Variants in NUFIP2 observed in about 807,000 individuals in gnomAD.
NUFIP2 encodes FMR1-interacting protein NUFIP2.
NUFIP2 carries 6 observed loss-of-function variants against 56.9 expected under a neutral mutation model. The ratio of observed to expected loss-of-function variants is 0.11; its 90% CI spans 0.06 to 0.21. The LOEUF is 0.21. NUFIP2 is among the 10% of genes least tolerant of loss of function. NUFIP2 has a pLI of 1.00. For synonymous variants in NUFIP2, 321 were observed against 298.2 expected (o/e 1.08, Z -0.79); for missense variants, 828 against 826.8 (o/e 1.00, Z -0.02).
chr17:29,265,992 C>T (rs557889492), intron 3 of NUFIP2, among the ~76,000 whole-genome samples: 7 of 152,062 alleles, frequency 4.6e-5, no homozygotes, highest in Non-Finnish European at 8.8e-5. Context: ...TTTTTTCAGA[C>T]GAAGTTTCGT....
rs2069018055 is a variant in NUFIP2, at chr17:29,263,851, T to C, written c.*688A>G. ...ACTAACTATTCCAGAATTGTAGAACTTCAATGCCCTCCCCTATCCCCGCCC... is the reference window on the plus strand; with the variant it reads ...ACTAACTATTCCAGAATTGTAGAACCTCAATGCCCTCCCCTATCCCCGCCC... On this transcript the variant is annotated 3_prime_UTR_variant, in exon 4 of 4. Transcript: ENST00000225388. 1 of 152,584 alleles carries C rather than the reference T, an allele frequency of 6.6e-6. No homozygotes were observed. Among genetic ancestry groups the C allele is most frequent in the South Asian group, 2.1e-4 (1 of 4,826 alleles). The allele number at this position is 152,584 out of a possible 1,614,324, so 9.5% of individuals were successfully genotyped here. A position where few individuals can be genotyped will look rare whatever the true frequency, so the allele number is the denominator to read the frequency against.
chr17:29,270,304 T>C (rs1466622519), intron 2 of NUFIP2, among the ~76,000 whole-genome samples: 2 of 122,700 alleles, frequency 1.6e-5, no homozygotes, highest in Non-Finnish European at 3.3e-5. Flanking sequence ...AGGGGAGAAC[T>C]ATAATCAATC....
At chr17:29,282,198 A>G (rs1338139539) in intron 2 of NUFIP2, among the ~76,000 whole-genome samples, 1 of 152,164 alleles carries the variant, frequency 6.6e-6, no homozygotes, top group Non-Finnish European at 1.5e-5. Flanking sequence ...TATTAAAAAA[A>G]GCCCTTGCCA....
rs991852984 is a variant in NUFIP2, at chr17:29,284,721, A to AG, written c.2002+1270_2002+1271insC. 7.3e-5 allele frequency among the ~76,000 whole-genome samples: 11 copies of AG among 150,766 alleles called. 1 individual carries two copies. The highest frequency in any genetic ancestry group is 4.2e-4 in the South Asian group (2 of 4,790). ...GACTCCATCTCAAAAAAAAAAAAAA[A>AG]AAAAAAGAAAAAAAAGAAAAGAAAG... On this transcript the variant is annotated intron_variant, in intron 2 of 3. Transcript: ENST00000225388.
Position 29,293,866 on chromosome 17 carries a change from C to A in NUFIP2, c.194G>T (p.Ser65Ile). The A allele has an allele frequency of 6.2e-7, 1 of 1,613,264 alleles. No individual in the cohort carries two copies. The highest frequency in any genetic ancestry group is 1.1e-5 in the South Asian group (1 of 91,036). The stretch of plus-strand genomic sequence containing the variant: ...CAGCGGCTTTGGCTGGGCCTTGGGG[C>A]TGCCCTCGGCTCCATGCTGCAGGTA... ...HQYLQHGAEGSPKAQPKPLKH... is the reference protein window; with the variant it reads ...HQYLQHGAEGIPKAQPKPLKH... The change falls in exon 1 of 4, where the codon AGC becomes ATC. Residue 65 changes from serine (S) to isoleucine (I), a missense_variant. By Grantham distance (142) the Ser-to-Ile change is moderately radical. This residue lies in a region of NUFIP2 where 415 missense variants were observed against 408.7 expected (regional missense o/e 1.02). Transcript: ENST00000225388.
chr17:29,272,250 T>TC (rs1417643169), intron 2 of NUFIP2, among the ~76,000 whole-genome samples: 3 of 150,154 alleles, frequency 2.0e-5, no homozygotes, highest in African/African-American at 7.3e-5. Context: ...CTTTTTTTTT[T>TC]TTTTTTTGAG....
At chr17:29,272,310 G>A (rs1386122137) in intron 2 of NUFIP2, among the ~76,000 whole-genome samples, 19 of 147,434 alleles carry the variant, frequency 1.3e-4, no homozygotes, top group Non-Finnish European at 2.2e-4. Context: ...GCGCTATCTC[G>A]GCTCACTGCA....
rs2069006053 is a variant in NUFIP2 at position 29,261,974 on chromosome 17, A to G, written c.*2565T>C. The G allele has an allele frequency of 6.6e-6, 1 of 152,552 alleles. No individual in the cohort carries two copies. Among genetic ancestry groups the G allele is most frequent in the Non-Finnish European group, 1.5e-5 (1 of 68,022 alleles). The allele number at this position is 152,552 out of a possible 1,614,324, so 9.4% of individuals were successfully genotyped here. On this transcript the variant is annotated 3_prime_UTR_variant, in exon 4 of 4. Transcript: ENST00000225388. ...ACCTTTGGACAGACAGAGAAGTGAT[A>G]CATTCTTTTTGGCTTCTCTGAACAC...
Position 29,260,837 on chromosome 17 carries a change from CA to C in NUFIP2, c.*3701del, listed in dbSNP as rs1442229203. ...GTAAGCAGATGATTAAGGAGGACAA[CA>C]AAATTCTAAAATGGAGAAACTCTGG... is the stretch of plus-strand genomic sequence containing the variant. On this transcript the variant is annotated 3_prime_UTR_variant, in exon 4 of 4. Coordinates refer to ENST00000225388, the MANE Select transcript of NUFIP2 (RefSeq NM_020772.3). 5 of 151,708 alleles carry C rather than the reference CA, an allele frequency of 3.3e-5. No individual in the cohort carries two copies. Among genetic ancestry groups the C allele is most frequent in the Non-Finnish European group, 7.4e-5 (5 of 67,926 alleles). 9.4% of individuals were successfully genotyped at this position (151,708 alleles called of 1,614,324 possible).
intron 2 of NUFIP2, among the ~76,000 whole-genome samples, chr17:29,284,484 T>C (rs746551519): frequency 2.6e-5 from 4 of 151,858 alleles, no homozygotes; most frequent in African/African-American, 4.8e-5. Flanking sequence ...GGTGGGTGGA[T>C]CACCTGAGGT....
At chr17:29,293,670 GAC>G (rs145321139) in intron 1 of NUFIP2, 111 bp downstream of exon 1, 28,431 of 996,472 alleles carry the variant, frequency 0.029, 81 homozygotes, top group African/African-American at 0.061. Context: ...AGCCGGAGGG[GAC>G]ACACACACAC....
At position 29,286,839 on chromosome 17, in the gene NUFIP2, T is replaced by C. The variant is rs1462989833; in HGVS notation, c.1155A>G (p.Ser385=). ...VSPTSSSSSS[S]STGETQTQSS... is the part of the protein sequence containing the mutation. ...ATTGGGTCTGAGTTTCCCCGGTAGA[T>C]GATGAAGATGATGAAGATGAAGTTG... Residue 385 remains serine, a synonymous_variant, in exon 2 of 4, where the codon TCA becomes TCG. Transcript: ENST00000225388. The C allele has an allele frequency of 2.8e-5, 45 of 1,613,906 alleles. No homozygotes were observed. The highest frequency in any genetic ancestry group is 3.6e-5 in the Non-Finnish European group (43 of 1,179,890).
chr17:29,272,462 G>A lies in NUFIP2; in HGVS notation c.2003-4932C>T, dbSNP rs549764469. ...TCACCGTGTTAGCCAGGATGGTCTCGATCTCCTGACCTTGTGATCTGCCCG... is the reference window on the plus strand; with the variant it reads ...TCACCGTGTTAGCCAGGATGGTCTCAATCTCCTGACCTTGTGATCTGCCCG... On this transcript the variant is annotated intron_variant, in intron 2 of 3. Coordinates refer to ENST00000225388, the MANE Select transcript of NUFIP2 (RefSeq NM_020772.3). Among the ~76,000 whole-genome samples, 6 of 152,030 alleles carry A rather than the reference G, an allele frequency of 3.9e-5. No homozygotes were observed. In the South Asian group the frequency reaches 1.2e-3, roughly 31 times the overall value.
At position 29,287,381 on chromosome 17, in the gene NUFIP2, T is replaced by C. The variant is rs756766045; in HGVS notation, c.613A>G (p.Lys205Glu). The C allele has an allele frequency of 1.2e-6, 2 of 1,614,142 alleles. No individual in the cohort carries two copies. Among genetic ancestry groups the C allele is most frequent in the Non-Finnish European group, 1.7e-6 (2 of 1,179,992 alleles). ...SGYITNGYMG[K>E]GADNDGSGSE... ...CCACTACCATCATTATCTGCTCCTTTACCCATATAACCATTAGTAATATAA... is the reference window on the plus strand; with the variant it reads ...CCACTACCATCATTATCTGCTCCTTCACCCATATAACCATTAGTAATATAA... The change falls in exon 2 of 4, where the codon AAA becomes GAA. Residue 205 changes from lysine (K) to glutamate (E), a missense_variant. By Grantham distance (56) the Lys-to-Glu change is moderately conservative (BLOSUM62 1). Transcript: ENST00000225388.
chr17:29,285,434 T>C (rs550276995), intron 2 of NUFIP2, among the ~76,000 whole-genome samples: 10 of 151,626 alleles, frequency 6.6e-5, no homozygotes, highest in Admixed American at 4.0e-4. Context: ...CTACTAAAAA[T>C]ACAAAAATTA....
chr17:29,272,710 T>G (rs924960163), intron 2 of NUFIP2, among the ~76,000 whole-genome samples: 1 of 152,194 alleles, frequency 6.6e-6, no homozygotes, highest in Non-Finnish European at 1.5e-5. Context: ...TTTTGGAATG[T>G]TTCCATTATA....
intron 1 of NUFIP2, among the ~76,000 whole-genome samples, chr17:29,292,613 CA>C (rs964434547): frequency 3.3e-5 from 5 of 150,292 alleles, no homozygotes; most frequent in African/African-American, 1.2e-4. Flanking sequence ...GCCGCCCCCC[CA>C]GGCCTCCTGC....
In NUFIP2 at chr17:29,256,171, G is replaced by C. The variant is rs2068970221; in HGVS notation, c.*8368C>G. 6.6e-6 allele frequency: 1 copy of C among 151,786 alleles called. No homozygotes were observed. The highest frequency in any genetic ancestry group is 2.4e-5 in the African/African-American group (1 of 41,360). 9.4% of individuals were successfully genotyped at this position (151,786 alleles called of 1,614,324 possible). ...AAAACAAACATTGAAACTTTTTTTTGAGCGGGGGGAACATCCTTTAACATA... is the reference window on the plus strand; with the variant it reads ...AAAACAAACATTGAAACTTTTTTTTCAGCGGGGGGAACATCCTTTAACATA... On this transcript the variant is annotated 3_prime_UTR_variant, in exon 4 of 4. Transcript: ENST00000225388.
At chr17:29,268,079 A>G (rs2069049379) in intron 2 of NUFIP2, among the ~76,000 whole-genome samples, 1 of 151,912 alleles carries the variant, frequency 6.6e-6, no homozygotes, top group Non-Finnish European at 1.5e-5. Context: ...TTGTATTTTT[A>G]GTAGAGATGG....
Sources: gnomAD v4.1 joint callset for allele counts (sites outside exome capture counted in the v4.1 genomes callset) on GRCh38, gnomAD v4.1.1 for gene constraint, gnomAD v4.1.1 regional missense constraint, MANE v1.5 for transcripts, NCBI Gene and HGNC (gene_info 2026-07-23, HGNC 2026-07-21) for gene names.